The following CLASP1 variants were observed in gnomAD, a reference collection of about 807,000 sequenced individuals.
The protein encoded by CLASP1 is CLIP-associating protein 1.
A neutral mutation model predicts 192.3 loss-of-function variants in CLASP1; 38 were observed. The ratio of observed to expected loss-of-function variants is 0.20; its 90% CI spans 0.15 to 0.26. CLASP1 has a LOEUF of 0.26. CLASP1 is among the 10% of genes least tolerant of loss of function. CLASP1 has a pLI of 1.00. For missense variants in CLASP1, 1,433 were observed against 1,932.5 expected, an observed-to-expected ratio of 0.74 and a Z score of 4.85; for synonymous variants, 691 against 712.8, an observed-to-expected ratio of 0.97 and a Z score of 0.49.
At chr2:121,531,133 T>C (rs1559538029) in intron 2 of CLASP1, 2 of 618,762 alleles carry the variant, frequency 3.2e-6, no homozygotes, top group African/African-American at 3.6e-5. Flanking sequence ...AGTAAAGTTC[T>C]TTCAGTTTTT....
rs544577220 is a variant in CLASP1 at position 121,345,755 on chromosome 2, C to T, written c.4530+1283G>A. On this transcript the variant is annotated intron_variant, in intron 39 of 39. Transcript: ENST00000263710. ...CAGCCTATCTGCTGATTCCTGTTTA[C>T]AAAAAGAGGACAGTGTCTCCTCTGG... Among the ~76,000 whole-genome samples, 8 of 152,320 alleles carry T rather than the reference C, an allele frequency of 5.3e-5. No individual in the cohort carries two copies. The South Asian group carries it at 1.7e-3, about 32-fold the overall frequency.
chr2:121,341,448 A>T (rs1276163674), intron 39 of CLASP1, among the ~76,000 whole-genome samples: 1 of 152,222 alleles, frequency 6.6e-6, no homozygotes, highest in Non-Finnish European at 1.5e-5. Context: ...GCCTGACAGT[A>T]CTTTAAATGT....
At chr2:121,443,389 T>A (rs1014168055) in intron 19 of CLASP1, among the ~76,000 whole-genome samples, 1 of 152,182 alleles carries the variant, frequency 6.6e-6, no homozygotes, top group Non-Finnish European at 1.5e-5. Context: ...ACATATAATT[T>A]CCCATGTAAT....
At chr2:121,500,749 A>C (rs1429269839) in intron 8 of CLASP1, among the ~76,000 whole-genome samples, 1 of 152,212 alleles carries the variant, frequency 6.6e-6, no homozygotes, top group African/African-American at 2.4e-5. Context: ...AGTTTCCTTC[A>C]ACATTTTGGC....
chr2:121,378,761 GC>G (rs2070888746), intron 33 of CLASP1, among the ~76,000 whole-genome samples: 1 of 152,184 alleles, frequency 6.6e-6, no homozygotes, highest in African/African-American at 2.4e-5. Flanking sequence ...CTAGGGACAC[GC>G]GAAGAATCCT....
chr2:121,385,905 G>T (rs1187411153), intron 32 of CLASP1, among the ~76,000 whole-genome samples: 3 of 152,118 alleles, frequency 2.0e-5, no homozygotes, highest in African/African-American at 7.2e-5. Context: ...AATTGTAACA[G>T]CCTGTTGAAG....
At chr2:121,642,921 C>T (rs1011321775) in intron 1 of CLASP1, among the ~76,000 whole-genome samples, 1 of 152,190 alleles carries the variant, frequency 6.6e-6, no homozygotes, top group African/African-American at 2.4e-5. Flanking sequence ...GAAGTAATAG[C>T]TCATGTTGAA....
intron 1 of CLASP1, among the ~76,000 whole-genome samples, chr2:121,636,251 G>T (rs1271512148): frequency 6.7e-6 from 1 of 150,204 alleles, no homozygotes; most frequent in Non-Finnish European, 1.5e-5. Flanking sequence ...CAGGAGACTC[G>T]CTTGAACCCA....
chr2:121,592,739 C>A (rs13388957), intron 2 of CLASP1, among the ~76,000 whole-genome samples: 21,129 of 151,962 alleles, frequency 0.14, 2,138 homozygotes, highest in African/African-American at 0.28. Flanking sequence ...GCAGGCTCTG[C>A]CCCCCAGGGT....
intron 7 of CLASP1, among the ~76,000 whole-genome samples, chr2:121,507,856 G>A (rs1325762515): frequency 6.6e-6 from 1 of 152,100 alleles, no homozygotes; most frequent in Non-Finnish European, 1.5e-5. Context: ...AGCCAGAGTG[G>A]AGCAGGGTGG....
intron 22 of CLASP1, among the ~76,000 whole-genome samples, chr2:121,420,458 C>T (rs1238506108): frequency 6.6e-6 from 1 of 152,208 alleles, no homozygotes; most frequent in African/African-American, 2.4e-5. Flanking sequence ...AATGCCAAAT[C>T]TGAGTCAAAA....
rs554592661 is a variant in CLASP1, at chr2:121,628,959, A to C, written c.-286+20413T>G. 5.9e-4 allele frequency among the ~76,000 whole-genome samples: 88 copies of C among 150,036 alleles called. 1 individual carries two copies. The highest frequency in any genetic ancestry group is 6.9e-3 in the Middle Eastern group (2 of 288). ...CTGCAGCTGGTCATCCTTTTTTTTT[A>C]ATTCTTTTTTCTCTTTCTTTGTTTT... On this transcript the variant is annotated intron_variant, in intron 1 of 39. Transcript: ENST00000263710.
At chr2:121,349,736 G>C (rs1374623266) in intron 37 of CLASP1, among the ~76,000 whole-genome samples, 2 of 152,220 alleles carry the variant, frequency 1.3e-5, no homozygotes, top group African/African-American at 4.8e-5. Context: ...GGAGGTACAT[G>C]AAATGGCCAT....
intron 30 of CLASP1, among the ~76,000 whole-genome samples, chr2:121,392,501 T>C (rs1237504617): frequency 6.6e-6 from 1 of 152,218 alleles, no homozygotes; most frequent in African/African-American, 2.4e-5. Context: ...GGACTCTTCC[T>C]GTGGCTGCAA....
intron 30 of CLASP1, among the ~76,000 whole-genome samples, chr2:121,391,331 C>T (rs759725603): frequency 6.6e-6 from 1 of 152,106 alleles, no homozygotes; most frequent in Non-Finnish European, 1.5e-5. Flanking sequence ...CTCACCTACT[C>T]GACTACGCTG....
intron 2 of CLASP1, among the ~76,000 whole-genome samples, chr2:121,534,457 C>T (rs2094985859): frequency 6.6e-6 from 1 of 152,178 alleles, no homozygotes; most frequent in Non-Finnish European, 1.5e-5. Flanking sequence ...GATAAAAACA[C>T]AAGTCATTTC....
intron 30 of CLASP1, among the ~76,000 whole-genome samples, chr2:121,388,291 C>T (rs1011711896): frequency 5.9e-5 from 9 of 152,200 alleles, no homozygotes; most frequent in African/African-American, 2.2e-4. Context: ...GATCTCAGTA[C>T]ACCCTGGAAA....
intron 37 of CLASP1, among the ~76,000 whole-genome samples, chr2:121,356,189 G>T (rs1384217654): frequency 2.0e-5 from 3 of 151,974 alleles, no homozygotes; most frequent in African/African-American, 7.2e-5. Context: ...TGGAATCAAA[G>T]AACTCTTCAT....
At chr2:121,352,204 G>A (rs541904320) in intron 37 of CLASP1, among the ~76,000 whole-genome samples, 40 of 152,348 alleles carry the variant, frequency 2.6e-4, no homozygotes, top group African/African-American at 7.5e-4. Flanking sequence ...GGTGTTCTGC[G>A]GGCCTTCCTC....
Sources: allele counts gnomAD v4.1 joint callset (sites outside exome capture counted in the v4.1 genomes callset), GRCh38; gene constraint gnomAD v4.1.1; transcripts MANE v1.5; gene names NCBI Gene and HGNC (gene_info 2026-07-23, HGNC 2026-07-21).